Variants in APP observed in about 807,000 individuals in gnomAD.
APP encodes amyloid-beta precursor protein.
A neutral mutation model predicts 101.4 loss-of-function variants in APP; 31 were observed. That is an observed-to-expected ratio of 0.31 (90% CI 0.23 to 0.41). The LOEUF (loss-of-function observed/expected upper bound fraction) is 0.41. APP is among the 10% of genes least tolerant of loss of function. The pLI is 1.00. For missense variants in APP, 839 were observed against 1,003.7 expected (o/e 0.84, Z 2.22); for synonymous variants, 366 against 364.4 (o/e 1.00, Z -0.05).
intron 1 of APP, among the ~76,000 whole-genome samples, chr21:26,134,990 CCACTT>C (rs1387055845): frequency 6.6e-6 from 1 of 152,336 alleles, no homozygotes; most frequent in East Asian, 1.9e-4. Flanking sequence ...TCTCACCACT[CCACTT>C]GTCATTTAAA....
At chr21:25,918,895 T>G (rs1168414237) in intron 13 of APP, among the ~76,000 whole-genome samples, 5 of 147,036 alleles carry the variant, frequency 3.4e-5, no homozygotes, top group Non-Finnish European at 7.5e-5. Flanking sequence ...CAAGGAGGCC[T>G]GCTTGCCTCT....
intron 11 of APP, among the ~76,000 whole-genome samples, chr21:25,966,552 A>G (rs2041803448): frequency 6.6e-6 from 1 of 152,250 alleles, no homozygotes; most frequent in South Asian, 2.1e-4. Flanking sequence ...CTTAAACATT[A>G]TAATATTCAT....
At chr21:26,099,750 C>T (rs556231924) in intron 2 of APP, among the ~76,000 whole-genome samples, 2 of 152,272 alleles carry the variant, frequency 1.3e-5, no homozygotes, top group South Asian at 2.1e-4. Context: ...AAAACGAAAA[C>T]GTTCTCTGCT....
intron 7 of APP, among the ~76,000 whole-genome samples, chr21:25,999,429 C>T (rs963420754): frequency 2.0e-5 from 3 of 152,164 alleles, no homozygotes; most frequent in Non-Finnish European, 4.4e-5. Context: ...GTGCTGAGCT[C>T]GGAGGGGGCA....
intron 13 of APP, among the ~76,000 whole-genome samples, chr21:25,917,653 C>T (rs896565113): frequency 6.6e-5 from 10 of 152,274 alleles, no homozygotes; most frequent in African/African-American, 2.4e-4. Flanking sequence ...TGAACAGCTT[C>T]TTCCATCCAC....
chr21:25,966,267 T>C (rs983892272), intron 11 of APP, among the ~76,000 whole-genome samples: 8 of 152,240 alleles, frequency 5.3e-5, no homozygotes, highest in Admixed American at 3.3e-4. Context: ...CACTAAATGC[T>C]AATTCTCTCA....
intron 11 of APP, among the ~76,000 whole-genome samples, chr21:25,962,564 G>A (rs976450770): frequency 3.9e-5 from 6 of 152,124 alleles, no homozygotes; most frequent in African/African-American, 9.7e-5. Flanking sequence ...AATTTTCACC[G>A]AAATACTGAC....
chr21:26,169,931 C>A (rs942639556), intron 1 of APP, among the ~76,000 whole-genome samples: 2 of 152,188 alleles, frequency 1.3e-5, no homozygotes, highest in Non-Finnish European at 2.9e-5. Context: ...GAAGGCGGTG[C>A]GCGACCCCGA....
chr21:26,151,009 A>C (rs567697224), intron 1 of APP, among the ~76,000 whole-genome samples: 348 of 152,314 alleles, frequency 2.3e-3, no homozygotes, highest in Middle Eastern at 6.8e-3. Flanking sequence ...TTAATAATCA[A>C]AATTACATGT....
chr21:25,899,614 C>A (rs976954526), intron 15 of APP, among the ~76,000 whole-genome samples: 1 of 152,122 alleles, frequency 6.6e-6, no homozygotes, highest in Non-Finnish European at 1.5e-5. Flanking sequence ...TGGAAACAGA[C>A]CCACCAGGTC....
intron 13 of APP, among the ~76,000 whole-genome samples, chr21:25,916,203 T>C (rs1486309996): frequency 6.6e-6 from 1 of 152,186 alleles, no homozygotes; most frequent in Non-Finnish European, 1.5e-5. Context: ...AGTTTCTCCA[T>C]GTTGGCCAGG....
chr21:26,116,905 A>G (rs1262227732), intron 1 of APP, among the ~76,000 whole-genome samples: 1 of 152,018 alleles, frequency 6.6e-6, no homozygotes. Context: ...TTTTGGATAC[A>G]CTGTCACACT....
intron 8 of APP, among the ~76,000 whole-genome samples, chr21:25,987,003 T>G (rs2042665052): frequency 1.3e-5 from 2 of 152,210 alleles, no homozygotes; most frequent in Non-Finnish European, 2.9e-5. Flanking sequence ...TAAAGCTAAT[T>G]TTTAGAGTAG....
At chr21:25,977,581 G>C (rs1157812100) in intron 9 of APP, among the ~76,000 whole-genome samples, 1 of 152,208 alleles carries the variant, frequency 6.6e-6, no homozygotes, top group East Asian at 1.9e-4. Context: ...CCTAATTACA[G>C]ATTTTATTGT....
At chr21:25,940,540 G>T (rs1310060598) in intron 13 of APP, among the ~76,000 whole-genome samples, 4 of 152,198 alleles carry the variant, frequency 2.6e-5, no homozygotes, top group East Asian at 3.9e-4. Context: ...TTAATAATAA[G>T]AAGTTGTTCA....
chr21:26,165,164 A>G (rs113206005), intron 1 of APP, among the ~76,000 whole-genome samples: 103 of 152,360 alleles, frequency 6.8e-4, no homozygotes, highest in Non-Finnish European at 1.2e-3. Flanking sequence ...TTAATTGGCC[A>G]ATAAGTAATT....
In APP at chr21:26,118,482, G is replaced by A. The variant is rs545141737; in HGVS notation, c.58-6336C>T. Among the ~76,000 whole-genome samples, 3 of 152,244 alleles carry A rather than the reference G, an allele frequency of 2.0e-5. No homozygotes were observed. In the East Asian group the frequency reaches 5.8e-4, roughly 29 times the overall value. ...AAACCATACACATACTATATAGTAT[G>A]TGATGAAATGAGCGAGATGTAAAAA... On this transcript the variant is annotated intron_variant, in intron 1 of 17. Transcript: ENST00000346798.
rs182733621 is a variant in APP at position 25,884,260 on chromosome 21, G to A, written c.2212-2489C>T. 2.5e-3 allele frequency among the ~76,000 whole-genome samples: 375 copies of A among 152,272 alleles called. 3 individuals are homozygous for A. The highest frequency in any genetic ancestry group is 8.5e-3 in the African/African-American group (355 of 41,562). On this transcript the variant is annotated intron_variant, in intron 17 of 17. Transcript: ENST00000346798. ...CCCATCTACCACCCTGTGGCTCAGAGCTGCCTGAGTTCCCCTGCATCCAAA... is the reference window on the plus strand; with the variant it reads ...CCCATCTACCACCCTGTGGCTCAGAACTGCCTGAGTTCCCCTGCATCCAAA...
chr21:25,893,849 G>A (rs868539067), intron 16 of APP, among the ~76,000 whole-genome samples: 6 of 152,332 alleles, frequency 3.9e-5, no homozygotes, highest in Middle Eastern at 3.4e-3. Context: ...CAGTGGAGAT[G>A]AAACAGACTT....
Sources: gnomAD v4.1 joint callset for allele counts (sites outside exome capture counted in the v4.1 genomes callset) on GRCh38, gnomAD v4.1.1 for gene constraint, MANE v1.5 for transcripts, NCBI Gene and HGNC (gene_info 2026-07-23, HGNC 2026-07-21) for gene names.